The following MOCOS variants were observed in gnomAD, a reference collection of about 807,000 sequenced individuals.
MOCOS encodes the protein human molybdenum cofactor sulfurase.
Under a neutral mutation model 83.6 loss-of-function variants are expected in MOCOS, and 86 were observed. The observed-to-expected ratio is 1.03, with a 90% CI of 0.86 to 1.23. The LOEUF is 1.23. Among genes scored for constraint, MOCOS ranks in the 50% most tolerant of loss-of-function variants. The pLI is 0.00. For missense variants in MOCOS, 1,120 were observed against 1,126.9 expected (o/e 0.99, Z 0.09); for synonymous variants, 445 against 434.7 (o/e 1.02, Z -0.29).
chr18:36,257,404 C>T (rs1290285871), intron 12 of MOCOS, among the ~76,000 whole-genome samples: 1 of 152,026 alleles, frequency 6.6e-6, no homozygotes, highest in African/African-American at 2.4e-5. Context: ...ACTTTTATTG[C>T]CCACCCTCCC....
At chr18:36,249,052 G>A in intron 10 of MOCOS, 52 bp downstream of exon 10, 1 of 1,455,218 alleles carries the variant, frequency 6.9e-7, no homozygotes, top group Non-Finnish European at 9.6e-7. Context: ...GGCTGGCACA[G>A]AGGGGGAAGA....
rs141483411 is a variant in MOCOS at position 36,199,814 on chromosome 18, G to T, written c.431G>T (p.Arg144Leu). 1.9e-6 allele frequency: 3 copies of T among 1,614,094 alleles called. No individual in the cohort carries two copies. In the South Asian group the frequency reaches 3.3e-5, roughly 18 times the overall value. ...VSQGPESSGS[R>L]FCYLTDSHTS... ...CAGGGCCCAGAGAGCAGTGGGAGTC[G>T]CTTCTGTTACCTCACCGACAGCCAC... is the stretch of plus-strand genomic sequence containing the variant. The change falls in exon 4 of 15, where the codon CGC becomes CTC. Residue 144 changes from arginine to leucine, a missense_variant. By Grantham distance (102) the Arg-to-Leu change is moderately radical. Transcript: ENST00000261326.
intron 9 of MOCOS, among the ~76,000 whole-genome samples, chr18:36,222,254 T>A (rs2091499061): frequency 6.6e-6 from 1 of 152,198 alleles, no homozygotes; most frequent in Non-Finnish European, 1.5e-5. Flanking sequence ...TACCCAGAAG[T>A]GGGATCACTG....
intron 11 of MOCOS, among the ~76,000 whole-genome samples, chr18:36,256,603 C>T (rs563109687): frequency 6.4e-4 from 98 of 152,032 alleles, no homozygotes; most frequent in Non-Finnish European, 1.2e-3. Context: ...GTGTGTACTA[C>T]CACACCTGGC....
Position 36,220,083 on chromosome 18 carries a change from G to GGCT in MOCOS, c.1830_1832dup (p.Leu611dup). The GGCT allele has an allele frequency of 6.2e-7, 1 of 1,613,472 alleles. No individual in the cohort carries two copies. Among genetic ancestry groups the GGCT allele is most frequent in the Non-Finnish European group, 8.5e-7 (1 of 1,180,012 alleles). On this transcript the variant is annotated inframe_insertion, in exon 9 of 15. Transcript: ENST00000261326. ...ACCAGGTGGCCTGTAGGAAACCAAG[G>GGCT]GCTGCTATATGACCGGAGCTGGATG...
intron 9 of MOCOS, among the ~76,000 whole-genome samples, chr18:36,236,153 A>G (rs1262896986): frequency 2.0e-4 from 23 of 116,282 alleles, no homozygotes; most frequent in African/African-American, 3.3e-4. Flanking sequence ...CCATTTGTCA[A>G]TTTTGGCTTT....
chr18:36,193,843 A>G (rs533723257), intron 1 of MOCOS, among the ~76,000 whole-genome samples: 1 of 152,370 alleles, frequency 6.6e-6, no homozygotes, highest in South Asian at 2.1e-4. Flanking sequence ...CTTGTACACC[A>G]GTATTCATAC....
At chr18:36,229,479 A>G (rs1167110997) in intron 9 of MOCOS, among the ~76,000 whole-genome samples, 3 of 151,742 alleles carry the variant, frequency 2.0e-5, no homozygotes, top group Non-Finnish European at 4.4e-5. Flanking sequence ...CTTGGCGTGG[A>G]TTTTTTCAGA....
In MOCOS at chr18:36,200,305, A is replaced by G. The variant is rs908417297; in HGVS notation, c.922A>G (p.Arg308Gly). 4 of 1,614,084 alleles carry G rather than the reference A, an allele frequency of 2.5e-6. No individual in the cohort carries two copies. The highest frequency in any genetic ancestry group is 3.4e-6 in the Non-Finnish European group (4 of 1,180,042). Residue 308 changes from arginine to glycine, a missense_variant, in exon 4 of 15, where the codon AGG (arginine) becomes GGG (glycine). Physicochemically the swap from Arg to Gly is moderately radical, Grantham distance 125 (BLOSUM62 -2). Transcript: ENST00000261326. Reference protein sequence around the residue: ...YLAGEDFYIPRQSVAQRFEDG... With the variant: ...YLAGEDFYIPGQSVAQRFEDG... ...AGCAGGAGAAGACTTCTACATCCCG[A>G]GGCAGTCGGTAGCTCAGAGGTAACC...
At chr18:36,256,095 T>A (rs1295530714) in intron 11 of MOCOS, among the ~76,000 whole-genome samples, 1 of 152,102 alleles carries the variant, frequency 6.6e-6, no homozygotes, top group Non-Finnish European at 1.5e-5. Flanking sequence ...TTTCTCCATG[T>A]TGGTCAGGCT....
rs1293886256 is a variant in MOCOS at position 36,205,188 on chromosome 18, A to G, written c.1130A>G (p.Asp377Gly). Residue 377 changes from aspartate to glycine, a missense_variant, in exon 6 of 15, where the codon GAT (aspartate) becomes GGT (glycine). Asp to Gly is a moderately conservative substitution (Grantham distance 94). Transcript: ENST00000261326. The part of the protein sequence containing the change: ...NGAPVVRIYS[D>G]SEFSSPEVQG... The stretch of plus-strand genomic sequence containing the variant: ...GCCCCTGTGGTGCGGATTTACAGCG[A>G]TTCTGAGTTCAGCAGCCCTGAGGTT... The G allele has an allele frequency of 1.2e-6, 2 of 1,613,746 alleles. No individual in the cohort carries two copies. The highest frequency in any genetic ancestry group is 3.3e-5 in the Admixed American group (2 of 59,964).
intron 9 of MOCOS, among the ~76,000 whole-genome samples, chr18:36,238,430 G>A (rs2091567974): frequency 1.3e-5 from 2 of 150,452 alleles, no homozygotes; most frequent in South Asian, 4.2e-4. Flanking sequence ...CAGTTTCCAT[G>A]TAGTTGAGCG....
At chr18:36,250,922 G>A (rs1047032034) in intron 10 of MOCOS, among the ~76,000 whole-genome samples, 3 of 152,150 alleles carry the variant, frequency 2.0e-5, no homozygotes, top group Non-Finnish European at 2.9e-5. Context: ...TAGTAAAAAG[G>A]TCTTTCCAGG....
Position 36,228,036 on chromosome 18 carries a change from T to C in MOCOS, c.1960+7819T>C, listed in dbSNP as rs564933096. Among the ~76,000 whole-genome samples, 6 of 152,214 alleles carry C rather than the reference T, an allele frequency of 3.9e-5. No homozygotes were observed. The South Asian group carries it at 1.0e-3, about 26-fold the overall frequency. On this transcript the variant is annotated intron_variant, in intron 9 of 14. Coordinates refer to ENST00000261326, the MANE Select transcript of MOCOS (RefSeq NM_017947.4). The stretch of plus-strand genomic sequence containing the variant: ...AGGCAAAGAACATGAGCAAACACTT[T>C]TCAAAAGAAGACATATATGCAGCCA...
intron 13 of MOCOS, among the ~76,000 whole-genome samples, chr18:36,261,695 A>C (rs1349789535): frequency 6.6e-6 from 1 of 152,112 alleles, no homozygotes; most frequent in Non-Finnish European, 1.5e-5. Context: ...TTGACAAGCA[A>C]TCTATATTAT....
rs561064384 is a variant in MOCOS, at chr18:36,242,897, C to T, written c.1961-6025C>T. On this transcript the variant is annotated intron_variant, in intron 9 of 14. Transcript: ENST00000261326. The stretch of plus-strand genomic sequence containing the variant: ...ATGAGATTTGGATGGGGACATAGAG[C>T]CAAACCATATCAGATTTGTTTCCAT... Among the ~76,000 whole-genome samples the T allele has an allele frequency of 3.3e-5, 5 of 152,274 alleles. No homozygotes were observed. In the South Asian group the frequency reaches 8.3e-4, roughly 25 times the overall value.
At chr18:36,218,837 T>TTTTATTTATTTATTTA (rs34171207) in intron 8 of MOCOS, among the ~76,000 whole-genome samples, 7 of 133,928 alleles carry the variant, frequency 5.2e-5, no homozygotes, top group South Asian at 2.4e-4. Flanking sequence ...CTTTATTTTA[T>TTTTATTTATTTATTTA]TTTATTTATT....
At position 36,271,749 on chromosome 18, in the gene MOCOS, G is replaced by A. The variant is rs962951366; in HGVS notation, c.*3064G>A. Reference sequence around the variant, plus strand: ...GAGGTTTTCTTTTGCATAGTTTGGTGAGCATCAAGAATCCTTTAAGGAGGG... The same window carrying A: ...GAGGTTTTCTTTTGCATAGTTTGGTAAGCATCAAGAATCCTTTAAGGAGGG... On this transcript the variant is annotated 3_prime_UTR_variant, in exon 15 of 15. Transcript: ENST00000261326. 3.9e-5 allele frequency: 6 copies of A among 152,172 alleles called. No individual in the cohort carries two copies. Among genetic ancestry groups the A allele is most frequent in the African/African-American group, 1.4e-4 (6 of 41,436 alleles). 9.4% of individuals were successfully genotyped at this position (152,172 alleles called of 1,614,324 possible). A position where few individuals can be genotyped will look rare whatever the true frequency, so the allele number is the denominator to read the frequency against.
chr18:36,231,999 C>G (rs965001037), intron 9 of MOCOS, among the ~76,000 whole-genome samples: 1 of 152,192 alleles, frequency 6.6e-6, no homozygotes, highest in African/African-American at 2.4e-5. Flanking sequence ...CACGTTCTCA[C>G]TGTGTCACCC....
Sources: gnomAD v4.1 joint callset for allele counts (sites outside exome capture counted in the v4.1 genomes callset) on GRCh38, gnomAD v4.1.1 for gene constraint, MANE v1.5 for transcripts, NCBI Gene and HGNC (gene_info 2026-07-23, HGNC 2026-07-21) for gene names.